Variants in GRIK2 observed in about 807,000 individuals in gnomAD.
GRIK2 encodes the protein glutamate ionotropic receptor kainate type subunit 2.
Under a neutral mutation model 100.3 loss-of-function variants are expected in GRIK2, and 32 were observed. That is an observed-to-expected ratio of 0.32 (90% CI 0.24 to 0.43). The LOEUF (loss-of-function observed/expected upper bound fraction) is 0.43, where lower values mean the gene tolerates loss of function less well. GRIK2 is among the 20% of genes least tolerant of loss of function. The pLI is 1.00. For synonymous variants in GRIK2, 417 were observed against 389.4 expected, an observed-to-expected ratio of 1.07 and a Z score of -0.83; for missense variants, 843 against 1,114.9, an observed-to-expected ratio of 0.76 and a Z score of 3.47.
intron 2 of GRIK2, among the ~76,000 whole-genome samples, chr6:101,559,276 T>C (rs1485817481): frequency 1.3e-5 from 2 of 152,148 alleles, no homozygotes; most frequent in Non-Finnish European, 2.9e-5. Context: ...ATAGTCTAAG[T>C]TATTTTTTCA....
At chr6:101,399,534 ACTC>A (rs991346009) in intron 2 of GRIK2, 142 bp downstream of exon 2, 17 of 599,768 alleles carry the variant, frequency 2.8e-5, no homozygotes, top group Non-Finnish European at 5.2e-5. Flanking sequence ...CTTTTAAAGA[ACTC>A]CTTGTGCTTT....
At chr6:101,958,253 T>TTGTGGGTGTGTGTGTG (rs1792064625) in intron 14 of GRIK2, among the ~76,000 whole-genome samples, 1 of 139,448 alleles carries the variant, frequency 7.2e-6, no homozygotes, top group Admixed American at 7.4e-5. Context: ...TGCTACATAT[T>TTGTGGGTGTGTGTGTG]TGTGTGTGTG....
At chr6:101,929,546 C>T (rs112997487) in intron 14 of GRIK2, among the ~76,000 whole-genome samples, 2 of 152,148 alleles carry the variant, frequency 1.3e-5, no homozygotes, top group Non-Finnish European at 2.9e-5. Context: ...AGGTTTCTAT[C>T]GAGTGCCAGA....
intron 10 of GRIK2, among the ~76,000 whole-genome samples, chr6:101,827,487 CA>C (rs113087251): frequency 6.9e-6 from 1 of 145,114 alleles, no homozygotes; most frequent in South Asian, 2.2e-4. Flanking sequence ...CAAAACAAAA[CA>C]AAAAAAAACC....
intron 7 of GRIK2, among the ~76,000 whole-genome samples, chr6:101,706,468 A>G (rs1489411307): frequency 6.6e-6 from 1 of 151,934 alleles, no homozygotes; most frequent in African/African-American, 2.4e-5. Flanking sequence ...TTATGAGTAT[A>G]TAATAGGTGT....
At chr6:101,545,427 T>A (rs1238459572) in intron 2 of GRIK2, among the ~76,000 whole-genome samples, 6 of 152,158 alleles carry the variant, frequency 3.9e-5, no homozygotes, top group East Asian at 1.9e-4. Context: ...TAAGAGAAAA[T>A]TTTTTGGGAG....
intron 7 of GRIK2, among the ~76,000 whole-genome samples, chr6:101,769,678 A>G (rs1476771946): frequency 6.6e-6 from 1 of 152,190 alleles, no homozygotes; most frequent in East Asian, 1.9e-4. Flanking sequence ...TTTGTTCCAA[A>G]TAACGAGGAA....
intron 14 of GRIK2, among the ~76,000 whole-genome samples, chr6:101,942,690 A>G (rs1791028052): frequency 6.6e-6 from 1 of 152,234 alleles, no homozygotes; most frequent in African/African-American, 2.4e-5. Context: ...ATTTGGTGGA[A>G]GAAATTTCAA....
chr6:101,760,634 A>ATTTAATTATATGTTTAATTATG (rs1562364552), intron 7 of GRIK2, among the ~76,000 whole-genome samples: 1,099 of 71,156 alleles, frequency 0.015, 231 homozygotes, highest in African/African-American at 0.072. Context: ...GTTTAATTAT[A>ATTTAATTATATGTTTAATTATG]TATAATTATA....
intron 5 of GRIK2, among the ~76,000 whole-genome samples, chr6:101,677,324 G>A (rs562697456): frequency 5.9e-5 from 9 of 152,212 alleles, no homozygotes; most frequent in African/African-American, 2.2e-4. Context: ...CCAATGTCAA[G>A]TAGCAAGAAC....
At chr6:101,703,129 G>A (rs1462638466) in intron 7 of GRIK2, among the ~76,000 whole-genome samples, 1 of 151,828 alleles carries the variant, frequency 6.6e-6, no homozygotes, top group Non-Finnish European at 1.5e-5. Context: ...TTTGAGATGG[G>A]TAATGTTTTA....
At chr6:101,580,418 A>G (rs1778019027) in intron 2 of GRIK2, among the ~76,000 whole-genome samples, 1 of 152,056 alleles carries the variant, frequency 6.6e-6, no homozygotes, top group African/African-American at 2.4e-5. Flanking sequence ...TGTCAGCTCT[A>G]CCTTACAGTT....
intron 2 of GRIK2, among the ~76,000 whole-genome samples, chr6:101,456,002 A>C (rs1165537530): frequency 6.6e-6 from 1 of 151,962 alleles, no homozygotes; most frequent in African/African-American, 2.4e-5. Flanking sequence ...AAAAGCTAAC[A>C]TGGCATGTTT....
At chr6:102,028,614 T>A (rs1385195328) in intron 14 of GRIK2, among the ~76,000 whole-genome samples, 1 of 151,320 alleles carries the variant, frequency 6.6e-6, no homozygotes, top group South Asian at 2.1e-4. Context: ...GTGCTTTTTT[T>A]AAGATATGCA....
intron 12 of GRIK2, among the ~76,000 whole-genome samples, chr6:101,894,070 T>C (rs1787277709): frequency 6.6e-6 from 1 of 151,598 alleles, no homozygotes; most frequent in South Asian, 2.1e-4. Context: ...TAGAAGCTTA[T>C]TGAATATCTG....
At chr6:101,633,231 C>G (rs143440686) in intron 4 of GRIK2, among the ~76,000 whole-genome samples, 258 of 152,202 alleles carry the variant, frequency 1.7e-3, no homozygotes, top group Non-Finnish European at 2.5e-3. Flanking sequence ...TTCAAACCAC[C>G]ATGGAATGCC....
chr6:101,817,676 A>G (rs1373870110), intron 9 of GRIK2, among the ~76,000 whole-genome samples: 1 of 152,220 alleles, frequency 6.6e-6, no homozygotes, highest in African/African-American at 2.4e-5. Flanking sequence ...AGTGAATACA[A>G]AATGTCTAAA....
At chr6:101,402,184 G>A (rs1775348163) in intron 2 of GRIK2, among the ~76,000 whole-genome samples, 1 of 152,008 alleles carries the variant, frequency 6.6e-6, no homozygotes, top group African/African-American at 2.4e-5. Flanking sequence ...TTCAGCGTGC[G>A]CAACCCTCTT....
At chr6:101,979,966 G>A (rs557873918) in intron 14 of GRIK2, among the ~76,000 whole-genome samples, 79 of 152,070 alleles carry the variant, frequency 5.2e-4, no homozygotes, top group Non-Finnish European at 1.0e-3. Context: ...CTGTGGTGGA[G>A]AAGTGCATTT....
Sources: gnomAD v4.1 joint callset for allele counts (sites outside exome capture counted in the v4.1 genomes callset) on GRCh38, gnomAD v4.1.1 for gene constraint, MANE v1.5 for transcripts, NCBI Gene and HGNC (gene_info 2026-07-23, HGNC 2026-07-21) for gene names.